Variants in MYO1E observed in about 807,000 individuals in gnomAD.
The protein encoded by MYO1E is unconventional myosin-Ie.
Under a neutral mutation model 151.1 loss-of-function variants are expected in MYO1E, and 68 were observed. The observed-to-expected ratio is 0.45, with a 90% CI of 0.37 to 0.55. The LOEUF (loss-of-function observed/expected upper bound fraction) is 0.55. Among genes scored for constraint, MYO1E ranks in the 20% least tolerant of loss-of-function variants. MYO1E has a pLI of 0.00. For synonymous variants in MYO1E, 601 were observed against 501.7 expected (o/e 1.20, Z -2.64); for missense variants, 1,363 against 1,389.3 (o/e 0.98, Z 0.30).
intron 22 of MYO1E, among the ~76,000 whole-genome samples, chr15:59,164,757 T>G (rs1247312521): frequency 1.3e-5 from 2 of 152,202 alleles, no homozygotes; most frequent in Non-Finnish European, 2.9e-5. Context: ...ATCTCAGGCT[T>G]GTCAGGAACC....
chr15:59,296,184 C>A (rs1335352988), intron 1 of MYO1E, among the ~76,000 whole-genome samples: 3 of 152,184 alleles, frequency 2.0e-5, no homozygotes, highest in African/African-American at 7.2e-5. Context: ...GGATAAAGGA[C>A]CCTGCTCTAT....
intron 16 of MYO1E, among the ~76,000 whole-genome samples, chr15:59,201,663 C>T (rs1406187321): frequency 6.6e-6 from 1 of 152,166 alleles, no homozygotes; most frequent in East Asian, 1.9e-4. Context: ...CTCAGCCTCC[C>T]AAAGTGCTGG....
intron 1 of MYO1E, among the ~76,000 whole-genome samples, chr15:59,337,954 G>C (rs1274721303): frequency 6.6e-6 from 1 of 152,210 alleles, no homozygotes; most frequent in Admixed American, 6.5e-5. Context: ...CCCTGTCCAT[G>C]ATGTGGCTAA....
chr15:59,299,995 A>G (rs2080472491), intron 1 of MYO1E, among the ~76,000 whole-genome samples: 1 of 152,176 alleles, frequency 6.6e-6, no homozygotes, highest in African/African-American at 2.4e-5. Context: ...TAAATATCCT[A>G]ACTGGAACCC....
intron 2 of MYO1E, 139 bp from the exon 3 acceptor site, chr15:59,261,648 G>A (rs577514881): frequency 1.3e-4 from 86 of 653,512 alleles, no homozygotes; most frequent in Non-Finnish European, 2.1e-4. Flanking sequence ...AAGATTACAA[G>A]TAAAGACGAA....
intron 4 of MYO1E, among the ~76,000 whole-genome samples, chr15:59,248,521 A>G (rs2080144805): frequency 1.4e-5 from 2 of 147,748 alleles, no homozygotes; most frequent in African/African-American, 5.0e-5. Context: ...GTTAGCATCC[A>G]TAGAAGCCAC....
rs2080954605 is a variant in MYO1E at position 59,372,596 on chromosome 15, C to T, written c.-96G>A. 6.1e-6 allele frequency: 9 copies of T among 1,475,938 alleles called. No homozygotes were observed. The highest frequency in any genetic ancestry group is 4.2e-5 in the Admixed American group (2 of 47,594). The allele number at this position is 1,475,938 out of a possible 1,614,324, so 91.4% of individuals were successfully genotyped here. A position where few individuals can be genotyped will look rare whatever the true frequency, so the allele number is the denominator to read the frequency against. ...CTGGGCGAACTTCAAAAGTTGGTTC[C>T]CCTCGCCAAAAACAGGCTCCCGACA... On this transcript the variant is annotated 5_prime_UTR_variant, in exon 1 of 28. Coordinates refer to ENST00000288235, the MANE Select transcript of MYO1E (RefSeq NM_004998.4).
intron 4 of MYO1E, among the ~76,000 whole-genome samples, chr15:59,249,943 A>G: frequency 6.6e-6 from 1 of 152,162 alleles, no homozygotes; most frequent in Non-Finnish European, 1.5e-5. Flanking sequence ...TGGAAGGAAG[A>G]GTTCCAAAAC....
chr15:59,145,479 C>T lies in MYO1E; in HGVS notation c.3081-7112G>A, dbSNP rs753710843. 8.5e-5 allele frequency among the ~76,000 whole-genome samples: 13 copies of T among 152,112 alleles called. No homozygotes were observed. In the South Asian group the frequency reaches 1.5e-3, roughly 17 times the overall value. On this transcript the variant is annotated intron_variant, in intron 26 of 27. Coordinates refer to ENST00000288235, the MANE Select transcript of MYO1E (RefSeq NM_004998.4). The stretch of plus-strand genomic sequence containing the variant: ...ACTTCTCACTGCAACCTCCGCCTCC[C>T]GGGTTCAAGCGTTTCTCCTGCCTCA...
rs957857125 is a variant in MYO1E at position 59,159,565 on chromosome 15, G to A, written c.2786-1186C>T. Among the ~76,000 whole-genome samples the A allele has an allele frequency of 3.3e-4, 50 of 152,284 alleles. No individual in the cohort carries two copies. Among genetic ancestry groups the A allele is most frequent in the Non-Finnish European group, 6.6e-4 (45 of 68,022 alleles). On this transcript the variant is annotated intron_variant, in intron 24 of 27. Transcript: ENST00000288235. This position sits in a 1 kb window ranked among gnomAD's most constrained non-coding sequence, Gnocchi z 4.4. ...CCTCGTTCCTCCCTCTGCTGCTTCA[G>A]GTTTGCGGATAATAATGATTTCCTG... is the stretch of plus-strand genomic sequence containing the variant.
intron 1 of MYO1E, among the ~76,000 whole-genome samples, chr15:59,353,817 G>A (rs1319889344): frequency 2.6e-5 from 4 of 151,182 alleles, no homozygotes; most frequent in Non-Finnish European, 5.9e-5. Flanking sequence ...TCTACATTTT[G>A]AAAAGCAAAC....
At chr15:59,237,650 T>C (rs551884263) in intron 4 of MYO1E, among the ~76,000 whole-genome samples, 12 of 152,376 alleles carry the variant, frequency 7.9e-5, no homozygotes, top group African/African-American at 2.4e-4. Context: ...TGTTCGCGCT[T>C]CGCGATAAAA....
chr15:59,187,111 C>T lies in MYO1E; in HGVS notation c.1904+1007G>A, dbSNP rs562911160. On this transcript the variant is annotated intron_variant, in intron 18 of 27. Coordinates refer to ENST00000288235, the MANE Select transcript of MYO1E (RefSeq NM_004998.4). ...TTTATTCAGTCAAGTTAAACCTCCGCTCTTCCTGTGGCACAATTATCAAGA... is the reference window on the plus strand; with the variant it reads ...TTTATTCAGTCAAGTTAAACCTCCGTTCTTCCTGTGGCACAATTATCAAGA... 9.8e-5 allele frequency among the ~76,000 whole-genome samples: 15 copies of T among 152,344 alleles called. No individual in the cohort carries two copies. In the East Asian group the frequency reaches 2.9e-3, roughly 29 times the overall value.
rs201811818 is a variant in MYO1E at position 59,178,554 on chromosome 15, G to T, written c.1905-17C>A. The T allele has an allele frequency of 6.2e-7, 1 of 1,613,516 alleles. No individual in the cohort carries two copies. The highest frequency in any genetic ancestry group is 8.5e-7 in the Non-Finnish European group (1 of 1,179,558). On this transcript the variant is annotated splice_polypyrimidine_tract_variant and intron_variant, in intron 18 of 27. Transcript: ENST00000288235. ...ATGGCATACCTGTGGGGACATTGGGGAGAAGAGAATCACACTTGGGCGGGA... is the reference window on the plus strand; with the variant it reads ...ATGGCATACCTGTGGGGACATTGGGTAGAAGAGAATCACACTTGGGCGGGA...
At chr15:59,226,339 A>G (rs1184636728) in intron 7 of MYO1E, among the ~76,000 whole-genome samples, 1 of 152,210 alleles carries the variant, frequency 6.6e-6, no homozygotes, top group Non-Finnish European at 1.5e-5. Flanking sequence ...CCAGTGATCC[A>G]CAAACTAAAC....
At chr15:59,261,050 C>A (rs1015010366) in intron 3 of MYO1E, among the ~76,000 whole-genome samples, 2 of 151,990 alleles carry the variant, frequency 1.3e-5, no homozygotes, top group Admixed American at 1.3e-4. Context: ...ACCGTCTCTA[C>A]TAAAAATACA....
At chr15:59,166,351 T>C (rs1482062090) in intron 22 of MYO1E, among the ~76,000 whole-genome samples, 1 of 152,252 alleles carries the variant, frequency 6.6e-6, no homozygotes, top group African/African-American at 2.4e-5. Context: ...TCCTTACAGA[T>C]GTTTGACGCT....
chr15:59,266,691 C>T (rs1188370721), intron 2 of MYO1E: 1 of 129,552 alleles, frequency 7.7e-6, no homozygotes, highest in East Asian at 2.8e-4. Flanking sequence ...GAGACGGAGT[C>T]TCAGTCTGTC....
intron 1 of MYO1E, among the ~76,000 whole-genome samples, chr15:59,295,439 C>T (rs2080443109): frequency 6.6e-6 from 1 of 152,064 alleles, no homozygotes; most frequent in Non-Finnish European, 1.5e-5. Context: ...ATAGAGCTGA[C>T]CGAAGGAGGG....
Sources: allele counts gnomAD v4.1 joint callset (sites outside exome capture counted in the v4.1 genomes callset), GRCh38; gene constraint gnomAD v4.1.1; non-coding constraint Gnocchi (gnomAD v3.1); transcripts MANE v1.5; gene names NCBI Gene and HGNC (gene_info 2026-07-23, HGNC 2026-07-21).